TMPRSS15: variants seen among roughly 807,000 people sequenced by gnomAD.
TMPRSS15 encodes the protein transmembrane serine protease 15.
Under a neutral mutation model 125.3 loss-of-function variants are expected in TMPRSS15, and 128 were observed. That is an observed-to-expected ratio of 1.02 (90% CI 0.89 to 1.18). The LOEUF is 1.18. TMPRSS15 is among the 50% of genes most tolerant of loss of function. The pLI is 0.00. For missense variants in TMPRSS15, 1,283 were observed against 1,212.7 expected (o/e 1.06, Z -0.86); for synonymous variants, 446 against 423.2 (o/e 1.05, Z -0.66).
chr21:18,304,236 G>A (rs1193074019), intron 18 of TMPRSS15, among the ~76,000 whole-genome samples: 2 of 152,098 alleles, frequency 1.3e-5, no homozygotes. Context: ...TTTAAACCTG[G>A]TACGGTAGAA....
At chr21:18,457,343 G>A (rs1268914407) in intron 1 of TMPRSS15, among the ~76,000 whole-genome samples, 2 of 152,012 alleles carry the variant, frequency 1.3e-5, no homozygotes, top group Non-Finnish European at 2.9e-5. Flanking sequence ...AAATATTGGA[G>A]ACACGTACGT....
chr21:18,320,764 C>T (rs2824737), intron 16 of TMPRSS15, among the ~76,000 whole-genome samples: 85,034 of 152,006 alleles, frequency 0.56, 24,258 homozygotes, highest in African/African-American at 0.66. Flanking sequence ...TTTCCTTACA[C>T]GCATAAACTG....
intron 1 of TMPRSS15, among the ~76,000 whole-genome samples, chr21:18,435,790 T>C (rs2076226486): frequency 6.6e-6 from 1 of 152,220 alleles, no homozygotes; most frequent in Admixed American, 6.5e-5. Context: ...AAGCTATTGA[T>C]TATTGTCACA....
intron 1 of TMPRSS15, among the ~76,000 whole-genome samples, chr21:18,440,497 C>T (rs967136074): frequency 6.8e-6 from 1 of 147,846 alleles, no homozygotes; most frequent in Non-Finnish European, 1.5e-5. Flanking sequence ...ATTTCCCTAA[C>T]TATTTCATAA....
At chr21:18,466,657 A>G (rs1042441959) in intron 1 of TMPRSS15, among the ~76,000 whole-genome samples, 7 of 152,244 alleles carry the variant, frequency 4.6e-5, no homozygotes, top group African/African-American at 1.7e-4. Context: ...AACATATGAA[A>G]AAAAGCTCAA....
intron 8 of TMPRSS15, 152 bp from the exon 9 acceptor site, chr21:18,354,015 T>C (rs964025758): frequency 1.8e-5 from 12 of 659,050 alleles, no homozygotes; most frequent in Non-Finnish European, 2.6e-5. Context: ...GCATTAGTCT[T>C]ACATTTGTTT....
At chr21:18,356,550 G>A (rs2075627009) in intron 8 of TMPRSS15, among the ~76,000 whole-genome samples, 1 of 151,618 alleles carries the variant, frequency 6.6e-6, no homozygotes. Context: ...TACCAAAGAA[G>A]GAATCTTTAA....
At chr21:18,365,031 A>T in intron 7 of TMPRSS15, 109 bp downstream of exon 7, 1 of 922,276 alleles carries the variant, frequency 1.1e-6, no homozygotes, top group Admixed American at 2.0e-5. Context: ...TTTTTGCTTC[A>T]TAGTTAATGA....
intron 1 of TMPRSS15, among the ~76,000 whole-genome samples, chr21:18,468,383 C>T (rs1978708507): frequency 6.6e-6 from 1 of 152,060 alleles, no homozygotes; most frequent in African/African-American, 2.4e-5. Flanking sequence ...TATTGATATA[C>T]AATTGCAGGT....
At position 18,372,263 on chromosome 21, in the gene TMPRSS15, T is replaced by C; in HGVS notation, c.594A>G (p.Ile198Met). The C allele has an allele frequency of 6.2e-7, 1 of 1,613,458 alleles. No homozygotes were observed. The highest frequency in any genetic ancestry group is 8.5e-7 in the Non-Finnish European group (1 of 1,179,614). The change falls in exon 6 of 25, where the codon ATA (isoleucine) becomes ATG (methionine). Residue 198 changes from isoleucine to methionine, a missense_variant. Coordinates refer to ENST00000284885, the MANE Select transcript of TMPRSS15 (RefSeq NM_002772.3). ...SSPCTDALTC[I>M]KADLFCDGEV... is the part of the protein sequence containing the mutation. ...CTCCATCACAAAATAAATCAGCTTT[T>C]ATACACGTTAGAGCATCAGTACAAG... is the stretch of plus-strand genomic sequence containing the variant.
chr21:18,294,724 A>T, intron 19 of TMPRSS15, 72 bp from the exon 20 acceptor site: 1 of 1,356,136 alleles, frequency 7.4e-7, no homozygotes, highest in Non-Finnish European at 1.1e-6. Flanking sequence ...CATATAGGTT[A>T]TCCTACTTTT....
At chr21:18,312,369 T>C (rs1460498189) in intron 18 of TMPRSS15, among the ~76,000 whole-genome samples, 1 of 151,836 alleles carries the variant, frequency 6.6e-6, no homozygotes, top group Non-Finnish European at 1.5e-5. Context: ...TTGGAATTTT[T>C]ACTTGCATCA....
intron 1 of TMPRSS15, among the ~76,000 whole-genome samples, chr21:18,457,662 T>C (rs149009179): frequency 8.9e-4 from 135 of 152,248 alleles, no homozygotes; most frequent in African/African-American, 3.2e-3. Flanking sequence ...ATAAAGCAGT[T>C]GGGCTAATAA....
At chr21:18,411,560 T>G (rs1408737477) in intron 1 of TMPRSS15, among the ~76,000 whole-genome samples, 1 of 152,198 alleles carries the variant, frequency 6.6e-6, no homozygotes, top group Non-Finnish European at 1.5e-5. Flanking sequence ...TTTTAAAACA[T>G]TTTCTGAAGA....
intron 1 of TMPRSS15, among the ~76,000 whole-genome samples, chr21:18,437,992 C>T (rs996891941): frequency 6.6e-6 from 1 of 151,376 alleles, no homozygotes. Flanking sequence ...ACCCAAAGGA[C>T]TATAAATCAT....
chr21:18,410,109 G>C (rs1490339348), intron 1 of TMPRSS15, among the ~76,000 whole-genome samples: 1 of 132,082 alleles, frequency 7.6e-6, no homozygotes, highest in African/African-American at 3.2e-5. Flanking sequence ...AATTAACCTG[G>C]ATATGCATTT....
intron 24 of TMPRSS15, among the ~76,000 whole-genome samples, chr21:18,270,630 G>A (rs556449618): frequency 5.3e-5 from 8 of 152,140 alleles, no homozygotes; most frequent in African/African-American, 1.4e-4. Flanking sequence ...AACACCATCC[G>A]ATTTGAAAAA....
At chr21:18,427,224 G>A (rs1479847643) in intron 1 of TMPRSS15, among the ~76,000 whole-genome samples, 3 of 152,132 alleles carry the variant, frequency 2.0e-5, no homozygotes, top group Non-Finnish European at 1.5e-5. Context: ...AGTGTTAATT[G>A]CGTAGCCCAA....
chr21:18,388,968 G>A (rs546119585), intron 3 of TMPRSS15, among the ~76,000 whole-genome samples: 65 of 152,190 alleles, frequency 4.3e-4, no homozygotes, highest in African/African-American at 1.5e-3. Flanking sequence ...TGTACTGTAG[G>A]TAGGAAGGAA....
Sources: gnomAD v4.1 joint callset for allele counts (sites outside exome capture counted in the v4.1 genomes callset) on GRCh38, gnomAD v4.1.1 for gene constraint, MANE v1.5 for transcripts, NCBI Gene and HGNC (gene_info 2026-07-23, HGNC 2026-07-21) for gene names.